The following NEK11 variants were observed in gnomAD, a reference collection of about 807,000 sequenced individuals.
NEK11 encodes NIMA related kinase 11.
Under a neutral mutation model 80.7 loss-of-function variants are expected in NEK11, and 72 were observed. The observed-to-expected ratio is 0.89, with a 90% confidence interval of 0.74 to 1.08. NEK11 has a LOEUF of 1.08. NEK11 is among the 50% of genes least tolerant of loss of function. The probability of loss-of-function intolerance (pLI) is 0.00; values close to 1 mark genes in which losing one functional copy is unlikely to be tolerated. For missense variants in NEK11, 764 were observed against 763.6 expected (o/e 1.00, Z -0.01); for synonymous variants, 251 against 260.7 (o/e 0.96, Z 0.36).
intron 17 of NEK11, among the ~76,000 whole-genome samples, chr3:131,300,678 C>T (rs930399781): frequency 8.5e-5 from 13 of 152,250 alleles, no homozygotes; most frequent in Admixed American, 5.9e-4. Flanking sequence ...TGTCCAAGAT[C>T]GGATGGTTGT....
intron 16 of NEK11, among the ~76,000 whole-genome samples, chr3:131,248,783 C>A (rs1311612695): frequency 6.6e-6 from 1 of 152,082 alleles, no homozygotes; most frequent in East Asian, 1.9e-4. Context: ...AATCTCTGTG[C>A]ACTATTTTGC....
chr3:131,288,453 T>TCTTTCTTTCTTTC (rs1553993064), intron 17 of NEK11, among the ~76,000 whole-genome samples: 7 of 27,304 alleles, frequency 2.6e-4, no homozygotes, highest in East Asian at 2.2e-3. Context: ...TTTCTTTCTT[T>TCTTTCTTTCTTTC]TTTTTTTTTT....
At chr3:131,346,270 A>G (rs1367860502) in intron 17 of NEK11, among the ~76,000 whole-genome samples, 3 of 152,214 alleles carry the variant, frequency 2.0e-5, no homozygotes, top group Non-Finnish European at 4.4e-5. Context: ...TATTATCTAT[A>G]TGTATCCCAA....
intron 3 of NEK11, among the ~76,000 whole-genome samples, chr3:131,076,986 T>C (rs768634386): frequency 6.6e-5 from 10 of 152,214 alleles, no homozygotes; most frequent in Non-Finnish European, 7.3e-5. Flanking sequence ...CCTTAATTAA[T>C]ATCTCAAAGA....
chr3:131,293,456 A>G (rs975322186), intron 17 of NEK11, among the ~76,000 whole-genome samples: 2 of 152,136 alleles, frequency 1.3e-5, no homozygotes, highest in Admixed American at 6.5e-5. Context: ...GTCATGTTGT[A>G]TAATTCTTTT....
At chr3:131,074,184 G>T (rs1460358645) in intron 3 of NEK11, among the ~76,000 whole-genome samples, 1 of 152,034 alleles carries the variant, frequency 6.6e-6, no homozygotes, top group Non-Finnish European at 1.5e-5. Flanking sequence ...TTGTCTCAGG[G>T]TTCGCCTTCT....
At chr3:131,229,500 C>T (rs2095286557) in intron 15 of NEK11, among the ~76,000 whole-genome samples, 1 of 151,790 alleles carries the variant, frequency 6.6e-6, no homozygotes, top group Admixed American at 6.6e-5. Flanking sequence ...AAAAGTCTAC[C>T]AAAGGGCACC....
intron 3 of NEK11, among the ~76,000 whole-genome samples, chr3:131,072,713 A>G (rs2073620462): frequency 6.6e-6 from 1 of 152,158 alleles, no homozygotes; most frequent in South Asian, 2.1e-4. Flanking sequence ...AGTTCCAGAA[A>G]GCTGTCTCCT....
At chr3:131,146,072 G>T (rs1257583759) in intron 7 of NEK11, among the ~76,000 whole-genome samples, 1 of 152,036 alleles carries the variant, frequency 6.6e-6, no homozygotes, top group African/African-American at 2.4e-5. Context: ...GCTCCCAAGG[G>T]TTGTTGTTAC....
chr3:131,224,589 T>C (rs919018415), intron 14 of NEK11, among the ~76,000 whole-genome samples: 3 of 152,124 alleles, frequency 2.0e-5, no homozygotes, highest in Admixed American at 2.0e-4. Context: ...AAAAATTAAC[T>C]GTAAAACAGC....
intron 3 of NEK11, among the ~76,000 whole-genome samples, chr3:131,061,775 C>T (rs1045222729): frequency 6.6e-6 from 1 of 152,120 alleles, no homozygotes; most frequent in Non-Finnish European, 1.5e-5. Flanking sequence ...CACAGATTCA[C>T]CAAGGATTTC....
chr3:131,288,810 T>C (rs1175203772), intron 17 of NEK11, among the ~76,000 whole-genome samples: 3 of 152,208 alleles, frequency 2.0e-5, no homozygotes, highest in Non-Finnish European at 4.4e-5. Context: ...CCTGACTTTA[T>C]TTTTCCTCTA....
chr3:131,130,691 TG>T (rs2084271113), intron 5 of NEK11, among the ~76,000 whole-genome samples: 1 of 152,244 alleles, frequency 6.6e-6, no homozygotes, highest in African/African-American at 2.4e-5. Flanking sequence ...TTCTTTATTC[TG>T]TTGATGTGAT....
chr3:131,058,094 G>T (rs2069974219), intron 3 of NEK11, among the ~76,000 whole-genome samples: 1 of 151,934 alleles, frequency 6.6e-6, no homozygotes, highest in Non-Finnish European at 1.5e-5. Flanking sequence ...TCCAGTTTCA[G>T]CTTTCTACAT....
chr3:131,146,971 A>C (rs534933706), intron 7 of NEK11, among the ~76,000 whole-genome samples: 4 of 152,068 alleles, frequency 2.6e-5, no homozygotes, highest in Non-Finnish European at 5.9e-5. Context: ...AATATCTTAC[A>C]CTATGTGTCT....
intron 3 of NEK11, among the ~76,000 whole-genome samples, chr3:131,060,180 A>G (rs1026720547): frequency 2.0e-5 from 3 of 152,218 alleles, no homozygotes; most frequent in African/African-American, 7.2e-5. Context: ...GATGTATGAC[A>G]TAGTTCAGTA....
intron 17 of NEK11, among the ~76,000 whole-genome samples, chr3:131,324,850 C>T (rs894566960): frequency 7.2e-5 from 11 of 152,028 alleles, no homozygotes; most frequent in African/African-American, 2.4e-4. Context: ...TGAAGGTGTT[C>T]GATTAGGTGA....
At chr3:131,142,533 G>A (rs1376786820) in intron 7 of NEK11, among the ~76,000 whole-genome samples, 2 of 152,186 alleles carry the variant, frequency 1.3e-5, no homozygotes, top group East Asian at 3.8e-4. Context: ...AGCAGTGTCG[G>A]CTGTTGCCAT....
chr3:131,307,759 T>C (rs1157192984), intron 17 of NEK11, among the ~76,000 whole-genome samples: 1 of 152,238 alleles, frequency 6.6e-6, no homozygotes, highest in African/African-American at 2.4e-5. Flanking sequence ...ATGTTTTATA[T>C]AGAGCATATT....
Sources: allele counts gnomAD v4.1 joint callset (sites outside exome capture counted in the v4.1 genomes callset), GRCh38; gene constraint gnomAD v4.1.1; transcripts MANE v1.5; gene names NCBI Gene and HGNC (gene_info 2026-07-23, HGNC 2026-07-21).